Variants in BNC2 observed in about 807,000 individuals in gnomAD.
BNC2 encodes zinc finger protein basonuclin-2.
Under a neutral mutation model 76.3 loss-of-function variants are expected in BNC2, and 20 were observed. That is an observed-to-expected ratio of 0.26 (90% CI 0.18 to 0.38). The LOEUF is 0.38. Ranked by LOEUF, BNC2 falls within the 10% of genes least tolerant of loss-of-function variation. The pLI is 1.00. For missense variants in BNC2, 1,382 were observed against 1,399.8 expected (o/e 0.99, Z 0.20); for synonymous variants, 582 against 514.8 (o/e 1.13, Z -1.77).
intron 1 of BNC2, chr9:16,775,691 AT>A (rs1391761778): frequency 1.4e-5 from 3 of 220,310 alleles, no homozygotes; most frequent in African/African-American, 7.0e-5. Context: ...GTCTTCTAGG[AT>A]TTCTTCAATG....
At chr9:16,718,886 C>A (rs1019449606) in intron 3 of BNC2, among the ~76,000 whole-genome samples, 10 of 152,134 alleles carry the variant, frequency 6.6e-5, no homozygotes, top group Non-Finnish European at 1.5e-4. Flanking sequence ...ACACTTTCTG[C>A]ATGTCTACGC....
chr9:16,847,356 G>C (rs1433512177), intron 1 of BNC2, among the ~76,000 whole-genome samples: 4 of 127,548 alleles, frequency 3.1e-5, no homozygotes, highest in Admixed American at 2.9e-4. Context: ...TACACTTTAA[G>C]TATATTTTGA....
At chr9:16,678,800 T>G (rs189314002) in intron 3 of BNC2, among the ~76,000 whole-genome samples, 3 of 152,288 alleles carry the variant, frequency 2.0e-5, no homozygotes, top group East Asian at 3.9e-4. Context: ...AACTCAGAGT[T>G]GTCCTGACAT....
chr9:16,649,496 A>C (rs1427906367), intron 3 of BNC2, among the ~76,000 whole-genome samples: 1 of 152,190 alleles, frequency 6.6e-6, no homozygotes, highest in Admixed American at 6.5e-5. Flanking sequence ...GCACTGGTGC[A>C]CAAGAGCTTA....
chr9:16,664,211 G>A lies in BNC2; in HGVS notation c.330+63586C>T, dbSNP rs111862096. Among the ~76,000 whole-genome samples, 738 of 152,226 alleles carry A rather than the reference G, an allele frequency of 4.8e-3. 5 individuals are homozygous for A. The highest frequency in any genetic ancestry group is 0.017 in the African/African-American group (693 of 41,536). On this transcript the variant is annotated intron_variant, in intron 3 of 6. Transcript: ENST00000380672. ...CTGAATTTGATAGGGAATGCTCCAC[G>A]TTATTGATTTCCTAAACATACTTCA...
At chr9:16,826,668 C>T (rs1818459848) in intron 1 of BNC2, among the ~76,000 whole-genome samples, 1 of 152,084 alleles carries the variant, frequency 6.6e-6, no homozygotes. Flanking sequence ...TTATGGAAGG[C>T]AAGCATGTTT....
intron 3 of BNC2, among the ~76,000 whole-genome samples, chr9:16,675,703 G>C: frequency 6.6e-6 from 1 of 152,110 alleles, no homozygotes; most frequent in East Asian, 1.9e-4. Flanking sequence ...ACGTGATTTT[G>C]GTTAAGTCTT....
At chr9:16,446,962 C>T (rs1387111236) in intron 5 of BNC2, among the ~76,000 whole-genome samples, 1 of 152,102 alleles carries the variant, frequency 6.6e-6, no homozygotes, top group Non-Finnish European at 1.5e-5. Context: ...AGGTGCCTTG[C>T]TTTGCCATAT....
At chr9:16,435,482 G>C in intron 6 of BNC2, 73 bp downstream of exon 6, 1 of 1,532,362 alleles carries the variant, frequency 6.5e-7, no homozygotes, top group Non-Finnish European at 9.0e-7. Context: ...ATTTCTTTTA[G>C]TGTGAAGTCC....
chr9:16,732,779 T>C (rs1824552815), intron 2 of BNC2, among the ~76,000 whole-genome samples: 1 of 152,218 alleles, frequency 6.6e-6, no homozygotes, highest in South Asian at 2.1e-4. Flanking sequence ...AAACTGTCCC[T>C]GTTCTTGCCA....
intron 1 of BNC2, among the ~76,000 whole-genome samples, chr9:16,808,689 G>T (rs1406876727): frequency 6.6e-6 from 1 of 150,442 alleles, no homozygotes. Flanking sequence ...TTGCTATGTT[G>T]CCCAAGCTTT....
intron 5 of BNC2, among the ~76,000 whole-genome samples, chr9:16,449,638 C>G (rs1487046086): frequency 6.6e-6 from 1 of 152,158 alleles, no homozygotes; most frequent in African/African-American, 2.4e-5. Flanking sequence ...CATGTCATCA[C>G]TTAAATACTA....
chr9:16,739,971 T>G (rs1396247017), intron 1 of BNC2, among the ~76,000 whole-genome samples: 1 of 152,166 alleles, frequency 6.6e-6, no homozygotes, highest in African/African-American at 2.4e-5. Flanking sequence ...AGACTGATAC[T>G]GAAGTTATCA....
intron 1 of BNC2, among the ~76,000 whole-genome samples, chr9:16,767,449 G>T (rs1357565159): frequency 6.6e-6 from 1 of 152,174 alleles, no homozygotes; most frequent in Non-Finnish European, 1.5e-5. Flanking sequence ...CTCAAATCAG[G>T]CTAGTAAATT....
At chr9:16,687,933 G>A (rs1198727145) in intron 3 of BNC2, among the ~76,000 whole-genome samples, 2 of 152,130 alleles carry the variant, frequency 1.3e-5, no homozygotes, top group East Asian at 3.9e-4. Flanking sequence ...AGGAAATGGT[G>A]GCAAACTACC....
At chr9:16,472,596 C>A (rs1219473275) in intron 5 of BNC2, among the ~76,000 whole-genome samples, 1 of 152,176 alleles carries the variant, frequency 6.6e-6, no homozygotes, top group Non-Finnish European at 1.5e-5. Context: ...AGCCTCTTAG[C>A]CTTCAAACAT....
Position 16,629,421 on chromosome 9 carries a change from T to C in BNC2, c.331-46336A>G, listed in dbSNP as rs1479628562. On this transcript the variant is annotated intron_variant, in intron 3 of 6. Transcript: ENST00000380672. Reference sequence around the variant, plus strand: ...TGGCCTCTGTGGTTTCTTCCTAAAATTCACTCTTTCTAAATGAACTTTAAT... The same window carrying C: ...TGGCCTCTGTGGTTTCTTCCTAAAACTCACTCTTTCTAAATGAACTTTAAT... 3.9e-5 allele frequency among the ~76,000 whole-genome samples: 6 copies of C among 152,322 alleles called. No individual in the cohort carries two copies. In the South Asian group the frequency reaches 1.0e-3, roughly 26 times the overall value.
intron 5 of BNC2, among the ~76,000 whole-genome samples, chr9:16,492,526 A>C (rs1401332384): frequency 1.3e-5 from 2 of 152,126 alleles, no homozygotes; most frequent in Admixed American, 1.3e-4. Flanking sequence ...ACTGCATATG[A>C]TTTCTTTAAA....
At chr9:16,848,178 ATTT>A (rs1429280666) in intron 1 of BNC2, among the ~76,000 whole-genome samples, 1 of 152,202 alleles carries the variant, frequency 6.6e-6, no homozygotes, top group Non-Finnish European at 1.5e-5. Flanking sequence ...CTAAAAACAA[ATTT>A]TAAGTTAGAA....
Sources: allele counts gnomAD v4.1 joint callset (sites outside exome capture counted in the v4.1 genomes callset), GRCh38; gene constraint gnomAD v4.1.1; transcripts MANE v1.5; gene names NCBI Gene and HGNC (gene_info 2026-07-23, HGNC 2026-07-21).